The following TRAK2 variants were observed in gnomAD, a reference collection of about 807,000 sequenced individuals.
TRAK2 encodes the protein trafficking kinesin protein 2.
TRAK2 carries 81 observed loss-of-function variants against 104.6 expected under a neutral mutation model. That is an observed-to-expected ratio of 0.77 (90% CI 0.65 to 0.93). The LOEUF is 0.93. Among genes scored for constraint, TRAK2 ranks in the 40% least tolerant of loss-of-function variants. The pLI, the probability that TRAK2 is intolerant of heterozygous loss-of-function variation, is 0.00. For missense variants in TRAK2, 1,002 were observed against 1,089.0 expected, an observed-to-expected ratio of 0.92 and a Z score of 1.12; for synonymous variants, 406 against 394.4, an observed-to-expected ratio of 1.03 and a Z score of -0.35.
intron 1 of TRAK2, among the ~76,000 whole-genome samples, chr2:201,432,549 G>A (rs982212243): frequency 1.3e-5 from 2 of 152,204 alleles, no homozygotes; most frequent in African/African-American, 2.4e-5. Context: ...TAAGAAGGAT[G>A]AGACTTAAAA....
At chr2:201,448,792 T>G (rs903472970) in intron 1 of TRAK2, among the ~76,000 whole-genome samples, 1 of 152,200 alleles carries the variant, frequency 6.6e-6, no homozygotes, top group Non-Finnish European at 1.5e-5. Context: ...CAAGCTGGAG[T>G]GCAGTGGTGC....
At chr2:201,397,394 T>C (rs1270547317) in intron 7 of TRAK2, 108 bp downstream of exon 7, 1 of 669,940 alleles carries the variant, frequency 1.5e-6, no homozygotes, top group East Asian at 2.6e-5. Context: ...CATTTAAAAT[T>C]GTTTCTTGAG....
chr2:201,390,425 G>A (rs1391840954), intron 10 of TRAK2, among the ~76,000 whole-genome samples: 2 of 150,114 alleles, frequency 1.3e-5, no homozygotes, highest in Non-Finnish European at 3.0e-5. Context: ...TTAGCCGGGT[G>A]TGCTGGCGGG....
At position 201,424,899 on chromosome 2, in the gene TRAK2, G is replaced by A. The variant is rs1448000459; in HGVS notation, c.-199-4193C>T. ...TGGGATTACAGGCGTGAGCCACTGC[G>A]CCCGGCCTGCCACCTGTTTTTGTAC... On this transcript the variant is annotated intron_variant, in intron 1 of 15. Coordinates refer to ENST00000332624, the MANE Select transcript of TRAK2 (RefSeq NM_015049.3). Among the ~76,000 whole-genome samples, 8 of 151,866 alleles carry A rather than the reference G, an allele frequency of 5.3e-5. No homozygotes were observed. In the East Asian group the frequency reaches 5.8e-4, roughly 11 times the overall value.
chr2:201,432,596 T>C (rs1220015486), intron 1 of TRAK2, among the ~76,000 whole-genome samples: 2 of 152,254 alleles, frequency 1.3e-5, no homozygotes, highest in African/African-American at 4.8e-5. Context: ...TAAATATTGC[T>C]GGCAGGACAC....
At position 201,448,256 on chromosome 2, in the gene TRAK2, T is replaced by C. The variant is rs544672410; in HGVS notation, c.-200+3094A>G. 1.6e-4 allele frequency among the ~76,000 whole-genome samples: 25 copies of C among 152,384 alleles called. 1 individual carries two copies. In the South Asian group the frequency reaches 5.2e-3, roughly 32 times the overall value. On this transcript the variant is annotated intron_variant, in intron 1 of 15. Transcript: ENST00000332624. ...GTACACAGTAGGTTCTCAATAAATG[T>C]TAGATTACAGATTTTGATCTTGTCT...
chr2:201,404,008 G>A (rs980495085), intron 3 of TRAK2, among the ~76,000 whole-genome samples: 6 of 152,070 alleles, frequency 3.9e-5, no homozygotes, highest in Non-Finnish European at 1.5e-5. Context: ...AAAGAACAAT[G>A]GATTTTTCTC....
Position 201,410,464 on chromosome 2 carries a change from G to T in TRAK2, c.92-2867C>A, listed in dbSNP as rs542948595. The T allele has an allele frequency of 1.5e-5, 10 of 662,410 alleles. No homozygotes were observed. In the South Asian group the frequency reaches 1.8e-4, roughly 12 times the overall value. The allele number at this position is 662,410 out of a possible 1,614,324, so 41.0% of individuals were successfully genotyped here. A position where few individuals can be genotyped will look rare whatever the true frequency, so the allele number is the denominator to read the frequency against. On this transcript the variant is annotated intron_variant, in intron 2 of 15. Coordinates refer to ENST00000332624, the MANE Select transcript of TRAK2 (RefSeq NM_015049.3). ...AACCATTCACTGTCCCATAGAAGTA[G>T]TTCCTCCAAGCCAACTACATAAAGA...
intron 3 of TRAK2, among the ~76,000 whole-genome samples, chr2:201,404,519 G>A (rs1392209957): frequency 6.6e-6 from 1 of 152,102 alleles, no homozygotes; most frequent in Non-Finnish European, 1.5e-5. Context: ...ACATACATAA[G>A]CACTTCACTA....
intron 14 of TRAK2, among the ~76,000 whole-genome samples, chr2:201,385,110 C>T (rs992642931): frequency 5.9e-5 from 9 of 152,102 alleles, no homozygotes; most frequent in African/African-American, 2.2e-4. Flanking sequence ...TTGGAAAACT[C>T]GTATCCACCA....
chr2:201,435,762 T>C (rs576124720), intron 1 of TRAK2, among the ~76,000 whole-genome samples: 1 of 152,184 alleles, frequency 6.6e-6, no homozygotes, highest in Non-Finnish European at 1.5e-5. Context: ...TAAGGCCTCA[T>C]AGCATCAAAA....
Position 201,380,885 on chromosome 2 carries a change from A to T in TRAK2, c.2403T>A (p.Asn801Lys), listed in dbSNP as rs1951336645. 4 of 1,613,952 alleles carry T rather than the reference A, an allele frequency of 2.5e-6. No individual in the cohort carries two copies. The highest frequency in any genetic ancestry group is 1.3e-5 in the African/African-American group (1 of 74,906). Reference sequence around the variant, plus strand: ...TCTCAGCTGGTCGAGAGGCCAAAAAATTTTCAGAGAGATGCACTCGAGGCT... The same window carrying T: ...TCTCAGCTGGTCGAGAGGCCAAAAATTTTTCAGAGAGATGCACTCGAGGCT... The part of the protein sequence containing the change: ...PFEPRVHLSE[N>K]FLASRPAETF... Residue 801 changes from asparagine (N) to lysine (K), a missense_variant, in exon 16 of 16, where the codon AAT (asparagine) becomes AAA (lysine). Coordinates refer to ENST00000332624, the MANE Select transcript of TRAK2 (RefSeq NM_015049.3).
chr2:201,402,985 T>C (rs564932689), intron 3 of TRAK2, among the ~76,000 whole-genome samples: 3 of 151,930 alleles, frequency 2.0e-5, no homozygotes, highest in Non-Finnish European at 2.9e-5. Flanking sequence ...TCAGTTTTTA[T>C]ACAACGAGTT....
intron 2 of TRAK2, chr2:201,413,073 G>C (rs892546942): frequency 6.9e-6 from 6 of 864,398 alleles, no homozygotes; most frequent in Non-Finnish European, 1.2e-5. Flanking sequence ...TCAATTATTT[G>C]ATCCTTTTCA....
chr2:201,423,249 T>C (rs1367950389), intron 1 of TRAK2, among the ~76,000 whole-genome samples: 4 of 152,214 alleles, frequency 2.6e-5, no homozygotes, highest in African/African-American at 9.7e-5. Flanking sequence ...CTAATTTTTC[T>C]ATATTTGAAC....
chr2:201,389,680 G>A, intron 11 of TRAK2, 121 bp downstream of exon 11: 2 of 1,095,978 alleles, frequency 1.8e-6, no homozygotes, highest in Non-Finnish European at 2.7e-6. Context: ...ACACTGTGAG[G>A]AAAACACTGA....
intron 2 of TRAK2, chr2:201,413,031 G>C: frequency 2.6e-6 from 2 of 780,934 alleles, no homozygotes; most frequent in Non-Finnish European, 4.7e-6. Flanking sequence ...TGTTGAAGTC[G>C]AGTTAAGTGT....
intron 2 of TRAK2, among the ~76,000 whole-genome samples, chr2:201,415,930 G>T (rs1161778457): frequency 1.3e-5 from 2 of 151,734 alleles, no homozygotes; most frequent in Non-Finnish European, 2.9e-5. Context: ...TGATAAAGAA[G>T]AAAATCCTAA....
chr2:201,394,343 C>CTTTTTTTT (rs369969654), intron 9 of TRAK2, among the ~76,000 whole-genome samples: 1 of 126,586 alleles, frequency 7.9e-6, no homozygotes, highest in Non-Finnish European at 1.7e-5. Context: ...TATTCTTTTT[C>CTTTTTTTT]TTTCTTTTTT....
Sources: gnomAD v4.1 joint callset for allele counts (sites outside exome capture counted in the v4.1 genomes callset) on GRCh38, gnomAD v4.1.1 for gene constraint, MANE v1.5 for transcripts, NCBI Gene and HGNC (gene_info 2026-07-23, HGNC 2026-07-21) for gene names.